SPSB4: variants seen among roughly 807,000 people sequenced by gnomAD.
SPSB4 encodes splA/ryanodine receptor domain and SOCS box containing 4, also known as SPRY domain-containing SOCS box protein 4.
A neutral mutation model predicts 20.9 loss-of-function variants in SPSB4; 21 were observed. That is an observed-to-expected ratio of 1.01 (90% CI 0.71 to 1.45). SPSB4 has a LOEUF of 1.45. Among genes scored for constraint, SPSB4 ranks in the 40% most tolerant of loss-of-function variants. The pLI is 0.00. For synonymous variants in SPSB4, 207 were observed against 183.8 expected, an observed-to-expected ratio of 1.13 and a Z score of -1.02; for missense variants, 399 against 399.2, an observed-to-expected ratio of 1.00 and a Z score of 0.00.
At chr3:141,105,245 C>T (rs150578436) in intron 2 of SPSB4, among the ~76,000 whole-genome samples, 1 of 152,138 alleles carries the variant, frequency 6.6e-6, no homozygotes, top group African/African-American at 2.4e-5. Context: ...CGTGGTGAAA[C>T]GGGATGTTAC....
chr3:141,136,283 G>C (rs1939226831), intron 2 of SPSB4, among the ~76,000 whole-genome samples: 2 of 152,282 alleles, frequency 1.3e-5, no homozygotes, highest in African/African-American at 4.8e-5. Context: ...CTCCCATTCT[G>C]TAGGTTGCCT....
rs1320407525 is a variant in SPSB4, at chr3:141,066,211, G to A, written c.107G>A (p.Arg36Gln). ...LRGAEPGRPA[R>Q]LDQLLDMPAA... ...GGTGCAGAGCCCGGGCGGCCGGCGC[G>A]GCTGGACCAGCTGTTGGACATGCCA... The change falls in exon 2 of 3, where the codon CGG (arginine) becomes CAG (glutamine). Residue 36 changes from arginine (R) to glutamine (Q), a missense_variant. Physicochemically the swap from Arg to Gln is conservative, Grantham distance 43. Transcript: ENST00000310546. 4 of 1,539,412 alleles carry A rather than the reference G, an allele frequency of 2.6e-6. No homozygotes were observed. In the Admixed American group the frequency reaches 6.0e-5, roughly 23 times the overall value.
chr3:141,108,886 G>A lies in SPSB4; in HGVS notation c.695-38256G>A, dbSNP rs554490044. Among the ~76,000 whole-genome samples, 544 of 152,270 alleles carry A rather than the reference G, an allele frequency of 3.6e-3. 2 individuals are homozygous for A. Among genetic ancestry groups the A allele is most frequent in the African/African-American group, 0.012 (507 of 41,546 alleles). Reference sequence around the variant, plus strand: ...AGGGGAGGGCACAGCATGTGTGAAGGCACAGCGGCTTTAAATTGCACAGCA... The same window carrying A: ...AGGGGAGGGCACAGCATGTGTGAAGACACAGCGGCTTTAAATTGCACAGCA... On this transcript the variant is annotated intron_variant, in intron 2 of 2. Transcript: ENST00000310546.
chr3:141,144,980 A>T (rs1939388835), intron 2 of SPSB4, among the ~76,000 whole-genome samples: 1 of 152,018 alleles, frequency 6.6e-6, no homozygotes, highest in Non-Finnish European at 1.5e-5. Flanking sequence ...TTGCTGGAGG[A>T]GAGATGGGGA....
intron 2 of SPSB4, among the ~76,000 whole-genome samples, chr3:141,120,440 T>A (rs1426649071): frequency 6.6e-6 from 1 of 151,850 alleles, no homozygotes; most frequent in Non-Finnish European, 1.5e-5. Flanking sequence ...GTCCACTTGG[T>A]CCAGAGTTCA....
In SPSB4 at chr3:141,108,287, C is replaced by T. The variant is rs1054055119; in HGVS notation, c.695-38855C>T. On this transcript the variant is annotated intron_variant, in intron 2 of 2. Coordinates refer to ENST00000310546, the MANE Select transcript of SPSB4 (RefSeq NM_080862.3). ...TGACACCTTTGCTATGAATAACCCACAAAATCAATTACTGCAGTGGGCAGA... is the reference window on the plus strand; with the variant it reads ...TGACACCTTTGCTATGAATAACCCATAAAATCAATTACTGCAGTGGGCAGA... 5.3e-5 allele frequency among the ~76,000 whole-genome samples: 8 copies of T among 152,312 alleles called. No individual in the cohort carries two copies. In the East Asian group the frequency reaches 1.5e-3, roughly 29 times the overall value.
At chr3:141,104,601 G>A (rs1006715260) in intron 2 of SPSB4, among the ~76,000 whole-genome samples, 1 of 152,162 alleles carries the variant, frequency 6.6e-6, no homozygotes, top group Non-Finnish European at 1.5e-5. Flanking sequence ...GCCAGACCTC[G>A]TGACCTGCAC....
chr3:141,097,834 T>C (rs1938567587), intron 2 of SPSB4, among the ~76,000 whole-genome samples: 1 of 152,204 alleles, frequency 6.6e-6, no homozygotes, highest in South Asian at 2.1e-4. Flanking sequence ...AAAGAAAGTG[T>C]AATTACCAAT....
At position 141,066,143 on chromosome 3, in the gene SPSB4, G is replaced by T; in HGVS notation, c.39G>T (p.Glu13Asp). 6.5e-7 allele frequency: 1 copy of T among 1,532,838 alleles called. No homozygotes were observed. The highest frequency in any genetic ancestry group is 8.8e-7 in the Non-Finnish European group (1 of 1,142,364). The allele number at this position is 1,532,838 out of a possible 1,614,324, so 95.0% of individuals were successfully genotyped here. Residue 13 changes from glutamate (E) to aspartate (D), a missense_variant, in exon 2 of 3, where the codon GAG becomes GAT. Transcript: ENST00000310546. ...TCTCGGGGAGCCTCAAGTCAGTGGAGGTGCGAGAGCCGGCGCTGCGGCCGG... is the reference window on the plus strand; with the variant it reads ...TCTCGGGGAGCCTCAAGTCAGTGGATGTGCGAGAGCCGGCGCTGCGGCCGG... ...QKLSGSLKSV[E>D]VREPALRPAK... is the part of the protein sequence containing the mutation.
chr3:141,122,741 C>T (rs752372004), intron 2 of SPSB4, among the ~76,000 whole-genome samples: 10 of 152,218 alleles, frequency 6.6e-5, no homozygotes, highest in South Asian at 2.1e-4. Context: ...GCGTGGGACC[C>T]GCCAAGCCAG....
chr3:141,079,174 T>C (rs1196551444), intron 2 of SPSB4, among the ~76,000 whole-genome samples: 3 of 151,054 alleles, frequency 2.0e-5, no homozygotes, highest in Non-Finnish European at 4.4e-5. Flanking sequence ...GGCAGGAGGA[T>C]GGCGTGAACC....
intron 2 of SPSB4, among the ~76,000 whole-genome samples, chr3:141,099,403 TATACC>T (rs1298407152): frequency 6.6e-6 from 1 of 152,208 alleles, no homozygotes; most frequent in Non-Finnish European, 1.5e-5. Context: ...ACCATTTTGT[TATACC>T]ATAATCCAAT....
chr3:141,083,353 AC>A (rs568057400), intron 2 of SPSB4, among the ~76,000 whole-genome samples: 12 of 151,530 alleles, frequency 7.9e-5, no homozygotes, highest in East Asian at 7.8e-4. Context: ...CCACACTGCC[AC>A]CCCCCCACCC....
intron 1 of SPSB4, among the ~76,000 whole-genome samples, chr3:141,060,838 A>G (rs1414262477): frequency 1.3e-5 from 2 of 152,194 alleles, no homozygotes; most frequent in Admixed American, 6.5e-5. Flanking sequence ...TGGCATTTCA[A>G]TGGAGTTCTA....
intron 2 of SPSB4, among the ~76,000 whole-genome samples, chr3:141,071,184 G>T (rs969984406): frequency 6.6e-6 from 1 of 152,240 alleles, no homozygotes; most frequent in Admixed American, 6.5e-5. Context: ...TGAGGTGTGG[G>T]CCCCTGCGGT....
At chr3:141,057,784 T>C (rs1937682607) in intron 1 of SPSB4, among the ~76,000 whole-genome samples, 2 of 152,224 alleles carry the variant, frequency 1.3e-5, no homozygotes, top group African/African-American at 4.8e-5. Context: ...CGTGATTAGA[T>C]CAACTGTGTA....
At chr3:141,112,666 AAAAG>A in intron 2 of SPSB4, among the ~76,000 whole-genome samples, 1 of 150,024 alleles carries the variant, frequency 6.7e-6, no homozygotes, top group Non-Finnish European at 1.5e-5. Context: ...AAAAAAAAAA[AAAAG>A]ACAGAAGGAA....
At chr3:141,128,469 G>A (rs537629315) in intron 2 of SPSB4, among the ~76,000 whole-genome samples, 7 of 152,126 alleles carry the variant, frequency 4.6e-5, no homozygotes, top group Non-Finnish European at 1.0e-4. Flanking sequence ...CACAGGAAGG[G>A]GGATTTCTCA....
chr3:141,140,123 C>T (rs922092300), intron 2 of SPSB4, among the ~76,000 whole-genome samples: 7 of 152,130 alleles, frequency 4.6e-5, no homozygotes, highest in Non-Finnish European at 8.8e-5. Context: ...CAGTTGATCG[C>T]GTCAGTTACT....
Sources: allele counts gnomAD v4.1 joint callset (sites outside exome capture counted in the v4.1 genomes callset), GRCh38; gene constraint gnomAD v4.1.1; transcripts MANE v1.5; gene names NCBI Gene and HGNC (gene_info 2026-07-23, HGNC 2026-07-21).